The following ATP2B1 variants were observed in gnomAD, a reference collection of about 807,000 sequenced individuals.
ATP2B1 encodes plasma membrane calcium-transporting ATPase 1.
In ATP2B1, 14 loss-of-function variants were observed where a neutral mutation model predicts 124.2. The ratio of observed to expected loss-of-function variants is 0.11; its 90% CI spans 0.07 to 0.18. The LOEUF (loss-of-function observed/expected upper bound fraction) is 0.18, where lower values mean the gene tolerates loss of function less well. Among genes scored for constraint, ATP2B1 ranks in the 10% least tolerant of loss-of-function variants. ATP2B1 has a pLI of 1.00. For synonymous variants in ATP2B1, 449 were observed against 492.4 expected, an observed-to-expected ratio of 0.91 and a Z score of 1.17; for missense variants, 763 against 1,466.1, an observed-to-expected ratio of 0.52 and a Z score of 7.83.
chr12:89,594,044 A>C (rs979677214), intron 20 of ATP2B1: 1 of 152,018 alleles, frequency 6.6e-6, no homozygotes, highest in African/African-American at 2.4e-5. Flanking sequence ...TTTGTCTGAC[A>C]CATCTATTTA....
chr12:89,685,252 A>G (rs1394087066), intron 1 of ATP2B1, among the ~76,000 whole-genome samples: 3 of 152,124 alleles, frequency 2.0e-5, no homozygotes, highest in African/African-American at 4.8e-5. Flanking sequence ...CAGACAACAG[A>G]AGTGCTTGCT....
intron 11 of ATP2B1, among the ~76,000 whole-genome samples, chr12:89,617,528 T>C (rs979296098): frequency 1.3e-5 from 2 of 152,198 alleles, no homozygotes; most frequent in African/African-American, 4.8e-5. Flanking sequence ...ATTGTTAAAA[T>C]AAGCATTCTA....
intron 1 of ATP2B1, among the ~76,000 whole-genome samples, chr12:89,668,538 C>G (rs1402434421): frequency 6.6e-6 from 1 of 152,070 alleles, no homozygotes; most frequent in Non-Finnish European, 1.5e-5. Flanking sequence ...ATTTTATAAG[C>G]CTAAAGAGAG....
intron 3 of ATP2B1, 48 bp from the exon 4 acceptor site, chr12:89,635,299 G>A: frequency 6.3e-7 from 1 of 1,577,490 alleles, no homozygotes. Flanking sequence ...CTGAATTGAT[G>A]ACAACATACA....
At chr12:89,643,065 T>TACACACACACACACAC (rs145355576) in intron 2 of ATP2B1, among the ~76,000 whole-genome samples, 14,181 of 143,388 alleles carry the variant, frequency 0.099, 908 homozygotes, top group Non-Finnish European at 0.15. Flanking sequence ...TAAAGATACA[T>TACACACACACACACAC]ACACACACAC....
intron 8 of ATP2B1, among the ~76,000 whole-genome samples, chr12:89,625,127 G>C (rs898812097): frequency 6.6e-6 from 1 of 151,898 alleles, no homozygotes; most frequent in South Asian, 2.1e-4. Context: ...AAATTAGCTG[G>C]GCATGGTGGT....
chr12:89,700,058 T>C (rs1222166464), intron 1 of ATP2B1, among the ~76,000 whole-genome samples: 1 of 151,274 alleles, frequency 6.6e-6, no homozygotes, highest in Non-Finnish European at 1.5e-5. Context: ...TTTGTCATGT[T>C]GCCCAGGCTG....
intron 12 of ATP2B1, chr12:89,611,877 C>A (rs952230611): frequency 1.3e-5 from 2 of 152,396 alleles, no homozygotes; most frequent in African/African-American, 4.8e-5. Context: ...CCTGCCCCTA[C>A]CTCACTGTAA....
chr12:89,644,243 C>T (rs1884100112), intron 2 of ATP2B1, among the ~76,000 whole-genome samples: 1 of 152,124 alleles, frequency 6.6e-6, no homozygotes, highest in Non-Finnish European at 1.5e-5. Context: ...TGGCAAGAGC[C>T]TATTCCAAGA....
chr12:89,697,629 A>T (rs1320100226), intron 1 of ATP2B1, among the ~76,000 whole-genome samples: 1 of 151,050 alleles, frequency 6.6e-6, no homozygotes, highest in African/African-American at 2.4e-5. Context: ...TGACAAACTT[A>T]TACATGCATA....
At chr12:89,671,543 T>TA (rs2136525318) in intron 1 of ATP2B1, among the ~76,000 whole-genome samples, 1 of 152,306 alleles carries the variant, frequency 6.6e-6, no homozygotes, top group Admixed American at 6.5e-5. Context: ...CCCAATGCCC[T>TA]ATGCAATGTA....
At chr12:89,680,493 G>A (rs538647666) in intron 1 of ATP2B1, among the ~76,000 whole-genome samples, 4 of 152,178 alleles carry the variant, frequency 2.6e-5, no homozygotes, top group South Asian at 2.1e-4. Flanking sequence ...AACGGATTTC[G>A]AGTAGAAAAT....
At chr12:89,642,800 T>C (rs1201969052) in intron 2 of ATP2B1, among the ~76,000 whole-genome samples, 1 of 151,708 alleles carries the variant, frequency 6.6e-6, no homozygotes, top group African/African-American at 2.4e-5. Flanking sequence ...TGACAGGGTT[T>C]CACCATGTTG....
Position 89,662,118 on chromosome 12 carries a change from G to C in ATP2B1, c.-221-6011C>G, listed in dbSNP as rs181703661. Among the ~76,000 whole-genome samples the C allele has an allele frequency of 5.9e-5, 9 of 151,726 alleles. No homozygotes were observed. In the South Asian group the frequency reaches 1.2e-3, roughly 21 times the overall value. On this transcript the variant is annotated intron_variant, in intron 1 of 20. Coordinates refer to ENST00000428670, the MANE Select transcript of ATP2B1 (RefSeq NM_001366521.1). ...CTTTGATCTCCATATCTTATCAAGA[G>C]AGACTATGATCTTTCTTTCTTTTTT... is the stretch of plus-strand genomic sequence containing the variant.
At chr12:89,609,395 T>G (rs1233839796) in intron 15 of ATP2B1, among the ~76,000 whole-genome samples, 1 of 152,150 alleles carries the variant, frequency 6.6e-6, no homozygotes, top group Non-Finnish European at 1.5e-5. Flanking sequence ...GAATTGTGAT[T>G]ATGAACCAGT....
At chr12:89,680,604 T>C (rs1371673909) in intron 1 of ATP2B1, among the ~76,000 whole-genome samples, 8 of 151,944 alleles carry the variant, frequency 5.3e-5, no homozygotes, top group Non-Finnish European at 1.0e-4. Flanking sequence ...AAACAGAAAA[T>C]GTGCAAGAGA....
intron 1 of ATP2B1, among the ~76,000 whole-genome samples, chr12:89,669,532 C>T (rs1189337236): frequency 6.6e-6 from 1 of 152,164 alleles, no homozygotes; most frequent in Non-Finnish European, 1.5e-5. Flanking sequence ...TTACGTAGTG[C>T]TTCAGCTTCC....
Position 89,642,304 on chromosome 12 carries a change from T to C in ATP2B1, c.260A>G (p.Lys87Arg). ...DLERREAVFG[K>R]NFIPPKKPKT... ...TGGCTTTTTAGGAGGTATAAAATTC[T>C]TTCCAAACACTGCTTCTCTTCTTTC... Residue 87 changes from lysine (K) to arginine (R), a missense_variant, in exon 3 of 21, where the codon AAG (lysine) becomes AGG (arginine). Around this residue, in one of 7 missense-constraint regions of ATP2B1, gnomAD observed 93 missense variants for 112.7 expected, o/e 0.83. Coordinates refer to ENST00000428670, the MANE Select transcript of ATP2B1 (RefSeq NM_001366521.1). The C allele has an allele frequency of 6.2e-7, 1 of 1,613,842 alleles. No individual in the cohort carries two copies. The highest frequency in any genetic ancestry group is 8.5e-7 in the Non-Finnish European group (1 of 1,179,932).
At chr12:89,706,260 G>C (rs971424432) in intron 1 of ATP2B1, among the ~76,000 whole-genome samples, 1 of 151,518 alleles carries the variant, frequency 6.6e-6, no homozygotes, top group Non-Finnish European at 1.5e-5. Flanking sequence ...TATTATTTAA[G>C]AACAAGCAAC....
Sources: gnomAD v4.1 joint callset for allele counts (sites outside exome capture counted in the v4.1 genomes callset) on GRCh38, gnomAD v4.1.1 for gene constraint, gnomAD v4.1.1 regional missense constraint, MANE v1.5 for transcripts, NCBI Gene and HGNC (gene_info 2026-07-23, HGNC 2026-07-21) for gene names.